The following LPP variants were observed in gnomAD, a reference collection of about 807,000 sequenced individuals.
LPP encodes the protein LIM domain containing preferred translocation partner in lipoma.
LPP carries 38 observed loss-of-function variants against 60.4 expected under a neutral mutation model. That is an observed-to-expected ratio of 0.63 (90% CI 0.49 to 0.83). LPP has a LOEUF of 0.83. Among genes scored for constraint, LPP ranks in the 40% least tolerant of loss-of-function variants. LPP has a pLI of 0.00. For synonymous variants in LPP, 328 were observed against 290.8 expected (o/e 1.13, Z -1.30); for missense variants, 902 against 783.6 (o/e 1.15, Z -1.80).
chr3:188,295,907 ACAGT>A (rs1747725924), intron 2 of LPP, among the ~76,000 whole-genome samples: 1 of 152,172 alleles, frequency 6.6e-6, no homozygotes, highest in Non-Finnish European at 1.5e-5. Context: ...TGAAGATAGA[ACAGT>A]CAGTTTTGAA....
rs1284207199 is a variant in LPP at position 188,609,034 on chromosome 3, T to G, written c.430-127T>G. 5.3e-6 allele frequency: 4 copies of G among 750,008 alleles called. No individual in the cohort carries two copies. The highest frequency in any genetic ancestry group is 6.0e-5 in the Admixed American group (2 of 33,552). The allele number at this position is 750,008 out of a possible 1,614,324, so 46.5% of individuals were successfully genotyped here. On this transcript the variant is annotated intron_variant, in intron 6 of 11. Transcript: ENST00000617246. The surrounding 1 kb of genome is among the most constrained non-coding windows in gnomAD (Gnocchi z 6.9). ...ACTTTGAAGGCAAGATTATGCCTTA[T>G]TTGTGTTCTACATAGTAATAAATAA...
chr3:188,503,348 A>G (rs1812473836), intron 5 of LPP, among the ~76,000 whole-genome samples: 1 of 152,198 alleles, frequency 6.6e-6, no homozygotes, highest in Non-Finnish European at 1.5e-5. Flanking sequence ...CTTAAATTGT[A>G]GAAAACAAAA....
intron 6 of LPP, among the ~76,000 whole-genome samples, chr3:188,540,680 G>A (rs1054529167): frequency 1.3e-5 from 2 of 152,138 alleles, no homozygotes; most frequent in African/African-American, 2.4e-5. Context: ...GAGTTTCCAT[G>A]TATAAAGCAC....
chr3:188,779,431 C>T (rs527997304), intron 9 of LPP, among the ~76,000 whole-genome samples: 1 of 152,110 alleles, frequency 6.6e-6, no homozygotes, highest in Non-Finnish European at 1.5e-5. Context: ...CACGCAAGGA[C>T]CCTTCAAACT....
intron 9 of LPP, among the ~76,000 whole-genome samples, chr3:188,771,113 T>C (rs1248074064): frequency 6.6e-6 from 1 of 152,180 alleles, no homozygotes; most frequent in African/African-American, 2.4e-5. Context: ...TCTATTATAT[T>C]GTAGAATTCA....
At chr3:188,157,863 T>C (rs1245954477) in intron 1 of LPP, among the ~76,000 whole-genome samples, 1 of 151,504 alleles carries the variant, frequency 6.6e-6, no homozygotes, top group East Asian at 2.0e-4. Flanking sequence ...GAAGGACAGG[T>C]GAGAGAAGGA....
rs1415437720 is a variant in LPP, at chr3:188,889,936, G to T, written c.*15457G>T. 1 of 212,340 alleles carries T rather than the reference G, an allele frequency of 4.7e-6. No homozygotes were observed. The highest frequency in any genetic ancestry group is 2.3e-5 in the African/African-American group (1 of 44,156). 13.2% of individuals were successfully genotyped at this position (212,340 alleles called of 1,614,324 possible). A position where few individuals can be genotyped will look rare whatever the true frequency, so the allele number is the denominator to read the frequency against. On this transcript the variant is annotated 3_prime_UTR_variant, in exon 12 of 12. Coordinates refer to ENST00000617246, the MANE Select transcript of LPP (RefSeq NM_001375462.1). ...GGATCAGATTTTAGCGCTGGAAAAT[G>T]AGTTCAAAAATTTCAGTGTAATGTC...
At chr3:188,767,671 A>G (rs1284562657) in intron 9 of LPP, among the ~76,000 whole-genome samples, 2 of 152,194 alleles carry the variant, frequency 1.3e-5, no homozygotes, top group Non-Finnish European at 2.9e-5. Flanking sequence ...ATGTAGCCAT[A>G]TAGTAGAACA....
chr3:188,318,790 G>A (rs549894503), intron 2 of LPP, among the ~76,000 whole-genome samples: 8 of 110,266 alleles, frequency 7.3e-5, no homozygotes, highest in East Asian at 6.3e-4. Context: ...ACGGAGTCTC[G>A]CTCTGTCGCC....
chr3:188,620,956 A>G (rs1353700761), intron 7 of LPP, among the ~76,000 whole-genome samples: 1 of 152,188 alleles, frequency 6.6e-6, no homozygotes, highest in Non-Finnish European at 1.5e-5. Flanking sequence ...GAAAGAGTCA[A>G]CCAACAAGTG....
intron 5 of LPP, among the ~76,000 whole-genome samples, chr3:188,502,621 G>A (rs1812241013): frequency 6.6e-6 from 1 of 152,146 alleles, no homozygotes. Context: ...TTGATAAGTA[G>A]AGAATTACTT....
intron 5 of LPP, among the ~76,000 whole-genome samples, chr3:188,492,823 G>A (rs574113768): frequency 2.0e-5 from 3 of 152,090 alleles, no homozygotes; most frequent in Non-Finnish European, 2.9e-5. Context: ...CAATAAACAC[G>A]CCAAATGATG....
chr3:188,557,711 G>A (rs2150609643), intron 6 of LPP, among the ~76,000 whole-genome samples: 1 of 152,156 alleles, frequency 6.6e-6, no homozygotes, highest in East Asian at 1.9e-4. Flanking sequence ...AGAACATGAG[G>A]GAAACTAGAG....
At chr3:188,270,234 T>A (rs1737249358) in intron 2 of LPP, among the ~76,000 whole-genome samples, 1 of 151,590 alleles carries the variant, frequency 6.6e-6, no homozygotes, top group Admixed American at 6.6e-5. Context: ...CTGGCCTAAG[T>A]TTCTTTTTCT....
chr3:188,558,308 G>C (rs1479747887), intron 6 of LPP, among the ~76,000 whole-genome samples: 2 of 151,854 alleles, frequency 1.3e-5, no homozygotes, highest in African/African-American at 4.8e-5. Flanking sequence ...TAATTTTCTA[G>C]CTCTTGGTTG....
chr3:188,580,451 T>C (rs938131509), intron 6 of LPP, among the ~76,000 whole-genome samples: 2 of 152,238 alleles, frequency 1.3e-5, no homozygotes, highest in African/African-American at 4.8e-5. Context: ...GTGTACTTTC[T>C]TTCCTTCTCC....
chr3:188,664,894 G>A (rs1410356969), intron 7 of LPP, among the ~76,000 whole-genome samples: 2 of 152,122 alleles, frequency 1.3e-5, no homozygotes, highest in Non-Finnish European at 2.9e-5. Context: ...GAAAGCAAGA[G>A]AGTTCCTCCC....
At chr3:188,821,464 A>C (rs1374586369) in intron 9 of LPP, among the ~76,000 whole-genome samples, 1 of 151,606 alleles carries the variant, frequency 6.6e-6, no homozygotes, top group African/African-American at 2.4e-5. Flanking sequence ...ACAGAAACAC[A>C]TTTCCAAAAG....
At chr3:188,334,894 A>G (rs931416273) in intron 2 of LPP, among the ~76,000 whole-genome samples, 1 of 152,090 alleles carries the variant, frequency 6.6e-6, no homozygotes, top group Admixed American at 6.6e-5. Flanking sequence ...CTTGGGTTAG[A>G]TGATATCTCA....
Sources: allele counts gnomAD v4.1 joint callset (sites outside exome capture counted in the v4.1 genomes callset), GRCh38; gene constraint gnomAD v4.1.1; non-coding constraint Gnocchi (gnomAD v3.1); transcripts MANE v1.5; gene names NCBI Gene and HGNC (gene_info 2026-07-23, HGNC 2026-07-21).